The following MARCHF1 variants were observed in gnomAD, a reference collection of about 807,000 sequenced individuals.
The protein encoded by MARCHF1 is membrane associated ring-CH-type finger 1.
A neutral mutation model predicts 54.2 loss-of-function variants in MARCHF1; 40 were observed. The ratio of observed to expected loss-of-function variants is 0.74; its 90% CI spans 0.57 to 0.96. MARCHF1 has a LOEUF of 0.96. Ranked by LOEUF, MARCHF1 falls within the 40% of genes least tolerant of loss-of-function variation. The pLI is 0.00. For synonymous variants in MARCHF1, 236 were observed against 236.3 expected (o/e 1.00, Z 0.01); for missense variants, 586 against 656.5 (o/e 0.89, Z 1.17).
chr4:164,226,667 G>GTA (rs147707063), intron 1 of MARCHF1, among the ~76,000 whole-genome samples: 2,916 of 151,996 alleles, frequency 0.019, 91 homozygotes, highest in East Asian at 0.12. Context: ...ATGTGTGTGT[G>GTA]TATATATATA....
chr4:163,705,329 CA>C (rs201628303), intron 4 of MARCHF1, among the ~76,000 whole-genome samples: 1 of 150,266 alleles, frequency 6.7e-6, no homozygotes, highest in African/African-American at 2.4e-5. Context: ...CCTACCCCAC[CA>C]AAAAAAACCA....
intron 1 of MARCHF1, among the ~76,000 whole-genome samples, chr4:164,142,531 C>A (rs1756574339): frequency 6.6e-6 from 1 of 152,190 alleles, no homozygotes; most frequent in Non-Finnish European, 1.5e-5. Flanking sequence ...CCCCAGCAGC[C>A]TAACTGGGAG....
chr4:163,860,404 T>G (rs1043830640), intron 3 of MARCHF1, among the ~76,000 whole-genome samples: 4 of 152,138 alleles, frequency 2.6e-5, no homozygotes, highest in African/African-American at 9.7e-5. Context: ...GGGAAGAGGA[T>G]AAGCAAACAC....
chr4:163,922,759 CATCA>C (rs1236063067), intron 3 of MARCHF1, among the ~76,000 whole-genome samples: 1 of 152,162 alleles, frequency 6.6e-6, no homozygotes, highest in Non-Finnish European at 1.5e-5. Context: ...AAATGACACA[CATCA>C]ATAGATCTTC....
intron 7 of MARCHF1, among the ~76,000 whole-genome samples, chr4:163,609,184 C>T (rs1006369420): frequency 1.3e-5 from 2 of 152,054 alleles, no homozygotes; most frequent in African/African-American, 4.8e-5. Context: ...TGCTCTTCTG[C>T]AGTTCAATAA....
intron 1 of MARCHF1, among the ~76,000 whole-genome samples, chr4:164,206,603 A>G (rs1731613677): frequency 6.6e-6 from 1 of 152,200 alleles, no homozygotes; most frequent in African/African-American, 2.4e-5. Flanking sequence ...GCTTTGTTAC[A>G]TCAGACATCA....
intron 1 of MARCHF1, among the ~76,000 whole-genome samples, chr4:164,132,644 T>C (rs2110823631): frequency 6.6e-6 from 1 of 152,288 alleles, no homozygotes; most frequent in Admixed American, 6.5e-5. Flanking sequence ...GAATATCCTG[T>C]TCTCCACTGA....
At chr4:163,950,392 C>T (rs966134172) in intron 3 of MARCHF1, among the ~76,000 whole-genome samples, 1 of 152,238 alleles carries the variant, frequency 6.6e-6, no homozygotes, top group African/African-American at 2.4e-5. Context: ...GACTGTGCCA[C>T]AAATTTGTTC....
chr4:163,890,892 G>T (rs4431174), intron 3 of MARCHF1, among the ~76,000 whole-genome samples: 71 of 149,466 alleles, frequency 4.8e-4, no homozygotes, highest in African/African-American at 9.3e-4. Flanking sequence ...TCAAACCTCA[G>T]TTTTTTTTTT....
intron 5 of MARCHF1, among the ~76,000 whole-genome samples, chr4:163,676,934 C>A (rs1400766281): frequency 6.6e-6 from 1 of 151,280 alleles, no homozygotes; most frequent in Non-Finnish European, 1.5e-5. Context: ...CACAAAAAAG[C>A]CAGGGTAGTG....
chr4:163,861,711 G>A (rs1263765197), intron 3 of MARCHF1, among the ~76,000 whole-genome samples: 1 of 151,972 alleles, frequency 6.6e-6, no homozygotes, highest in African/African-American at 2.4e-5. Context: ...GTATTTTATA[G>A]ATAGTGATAC....
intron 3 of MARCHF1, among the ~76,000 whole-genome samples, chr4:163,858,634 G>C (rs944138777): frequency 6.6e-6 from 1 of 152,134 alleles, no homozygotes; most frequent in African/African-American, 2.4e-5. Flanking sequence ...TAATAATAAA[G>C]TTCAGTTTCC....
At chr4:163,633,648 T>A in intron 5 of MARCHF1, among the ~76,000 whole-genome samples, 1 of 152,072 alleles carries the variant, frequency 6.6e-6, no homozygotes, top group Non-Finnish European at 1.5e-5. Context: ...ATGGGGAGAA[T>A]GGAACCAAGT....
intron 1 of MARCHF1, among the ~76,000 whole-genome samples, chr4:164,265,921 A>G (rs1217865971): frequency 1.3e-5 from 2 of 152,200 alleles, no homozygotes; most frequent in Non-Finnish European, 2.9e-5. Context: ...ATGGCCACAT[A>G]GTATCGAATC....
At chr4:163,709,477 T>C (rs1044005114) in intron 4 of MARCHF1, among the ~76,000 whole-genome samples, 4 of 152,134 alleles carry the variant, frequency 2.6e-5, no homozygotes, top group African/African-American at 7.2e-5. Flanking sequence ...TTTTAAACAA[T>C]AGAACATCTA....
rs747757608 is a variant in MARCHF1, at chr4:164,229,427, TGGGG to T, written c.-322-117769_-322-117766del. On this transcript the variant is annotated intron_variant, in intron 1 of 9. Transcript: ENST00000514618. The stretch of plus-strand genomic sequence containing the variant: ...CTTGAGGCCAGCTGCCAATAGCCAA[TGGGG>T]GACTGAGGCCTTTGGCCAATAGTCA... Among the ~76,000 whole-genome samples, 113 of 152,166 alleles carry T rather than the reference TGGGG, an allele frequency of 7.4e-4. 2 individuals carry two copies. The East Asian group carries it at 0.016, about 22-fold the overall frequency.
chr4:163,944,211 T>C (rs1308468119), intron 3 of MARCHF1, among the ~76,000 whole-genome samples: 3 of 150,212 alleles, frequency 2.0e-5, no homozygotes, highest in African/African-American at 7.4e-5. Flanking sequence ...CTCGATCTCC[T>C]GACCTCGTGA....
intron 8 of MARCHF1, among the ~76,000 whole-genome samples, chr4:163,552,828 T>C (rs1312080751): frequency 1.3e-5 from 2 of 151,976 alleles, no homozygotes; most frequent in African/African-American, 4.8e-5. Context: ...GGTCAGGAGA[T>C]TGAGACCATC....
intron 3 of MARCHF1, among the ~76,000 whole-genome samples, chr4:163,930,826 A>T (rs1751656176): frequency 6.6e-6 from 1 of 152,144 alleles, no homozygotes; most frequent in Admixed American, 6.6e-5. Context: ...GAATAAGTTA[A>T]GACTTTTGGG....
Sources: gnomAD v4.1 joint callset for allele counts (sites outside exome capture counted in the v4.1 genomes callset) on GRCh38, gnomAD v4.1.1 for gene constraint, MANE v1.5 for transcripts, NCBI Gene and HGNC (gene_info 2026-07-23, HGNC 2026-07-21) for gene names.